Variants in CELF2 observed in about 807,000 individuals in gnomAD.
The protein encoded by CELF2 is CUG triplet repeat RNA-binding protein 2.
Under a neutral mutation model 62.6 loss-of-function variants are expected in CELF2, and 8 were observed. The ratio of observed to expected loss-of-function variants is 0.13; its 90% CI spans 0.07 to 0.23. The LOEUF is 0.23. Among genes scored for constraint, CELF2 ranks in the 10% least tolerant of loss-of-function variants. The pLI, the probability that CELF2 is intolerant of heterozygous loss-of-function variation, is 1.00. For missense variants in CELF2, 333 were observed against 671.0 expected (o/e 0.50, Z 5.56); for synonymous variants, 258 against 250.0 (o/e 1.03, Z -0.30).
intron 1 of CELF2, among the ~76,000 whole-genome samples, chr10:11,079,914 A>G (rs910767519): frequency 1.3e-5 from 2 of 152,220 alleles, no homozygotes; most frequent in African/African-American, 2.4e-5. Flanking sequence ...CTGTACTGCA[A>G]GATGACTTTG....
chr10:10,625,633 A>G, the CELF2 span, among the ~76,000 whole-genome samples: 1 of 151,698 alleles, frequency 6.6e-6, no homozygotes, highest in Non-Finnish European at 1.5e-5. Flanking sequence ...ATCATTTACA[A>G]CTCAGGCTGA....
At chr10:10,864,729 G>T (rs1392785031) in intron 1 of CELF2, among the ~76,000 whole-genome samples, 2 of 152,090 alleles carry the variant, frequency 1.3e-5, no homozygotes, top group East Asian at 3.9e-4. Context: ...AAATATAATT[G>T]TCTTAGGTGT....
chr10:10,517,333 C>T, the CELF2 span, among the ~76,000 whole-genome samples: 1 of 151,998 alleles, frequency 6.6e-6, no homozygotes, highest in Admixed American at 6.6e-5. Context: ...GATCCTGGAG[C>T]CCACACTTTT....
chr10:10,873,349 TA>T (rs2060877152), intron 1 of CELF2, among the ~76,000 whole-genome samples: 1 of 152,182 alleles, frequency 6.6e-6, no homozygotes, highest in Admixed American at 6.5e-5. Flanking sequence ...ATGTTGAACT[TA>T]AAATAAATAA....
chr10:11,114,798 A>T (rs527387303), intron 1 of CELF2, among the ~76,000 whole-genome samples: 1 of 152,320 alleles, frequency 6.6e-6, no homozygotes, highest in African/African-American at 2.4e-5. Context: ...TTCTACACCC[A>T]CTACAGAAGA....
At chr10:10,827,700 G>T (rs1235753620) in intron 1 of CELF2, among the ~76,000 whole-genome samples, 36 of 152,090 alleles carry the variant, frequency 2.4e-4, no homozygotes, top group Non-Finnish European at 1.5e-4. Context: ...CTTCTTAAAA[G>T]TACTTGTGTG....
intron 10 of CELF2, among the ~76,000 whole-genome samples, chr10:11,320,498 T>G (rs1375075339): frequency 6.6e-6 from 1 of 152,214 alleles, no homozygotes; most frequent in Non-Finnish European, 1.5e-5. Context: ...TAGCTTCAGC[T>G]CTCTGCGACT....
the CELF2 span, among the ~76,000 whole-genome samples, chr10:10,569,632 C>A: frequency 4.6e-5 from 7 of 152,100 alleles, no homozygotes; most frequent in Non-Finnish European, 8.8e-5. Context: ...ACAAAAAGCA[C>A]CCTATACATT....
chr10:11,116,665 T>C (rs2056627849), intron 1 of CELF2, among the ~76,000 whole-genome samples: 1 of 152,238 alleles, frequency 6.6e-6, no homozygotes, highest in Admixed American at 6.5e-5. Flanking sequence ...GTCCCTTCAC[T>C]TGTTAAATTC....
rs565946777 is a variant in CELF2, at chr10:11,290,989, A to G, written c.976+2437A>G. On this transcript the variant is annotated intron_variant, in intron 9 of 12. Coordinates refer to ENST00000633077, the MANE Select transcript of CELF2 (RefSeq NM_001326342.2). This position sits in a 1 kb window ranked among gnomAD's most constrained non-coding sequence, Gnocchi z 4.3. ...GAAAGTCACAGAAAATGTGGTTAGT[A>G]GAATTCATGAATCTCCACTTCATCA... 1.5e-3 allele frequency among the ~76,000 whole-genome samples: 224 copies of G among 152,366 alleles called. 1 individual carries two copies. Among genetic ancestry groups the G allele is most frequent in the African/African-American group, 5.3e-3 (220 of 41,580 alleles).
At chr10:10,708,172 G>C in the CELF2 span, among the ~76,000 whole-genome samples, 1 of 152,194 alleles carries the variant, frequency 6.6e-6, no homozygotes, top group Non-Finnish European at 1.5e-5. Context: ...TGTTAAATTA[G>C]TGTTACCCAT....
chr10:11,187,442 C>T (rs1469889296), intron 2 of CELF2, among the ~76,000 whole-genome samples: 1 of 152,144 alleles, frequency 6.6e-6, no homozygotes, highest in African/African-American at 2.4e-5. Flanking sequence ...TTGTACACAG[C>T]AGGTAGTCGG....
chr10:10,713,559 C>A, the CELF2 span, among the ~76,000 whole-genome samples: 440 of 152,320 alleles, frequency 2.9e-3, no homozygotes, highest in Middle Eastern at 0.024. Flanking sequence ...TCACCTACGA[C>A]CCTTCGGTGA....
chr10:10,560,881 T>A, the CELF2 span, among the ~76,000 whole-genome samples: 1 of 152,146 alleles, frequency 6.6e-6, no homozygotes, highest in Non-Finnish European at 1.5e-5. Context: ...CTGGATGAGA[T>A]TGGATACTAT....
chr10:11,123,675 A>T (rs546715591), intron 1 of CELF2, among the ~76,000 whole-genome samples: 1 of 152,346 alleles, frequency 6.6e-6, no homozygotes, highest in African/African-American at 2.4e-5. Flanking sequence ...TGCTCTTTGC[A>T]GAAAAGAGCC....
At chr10:10,704,215 G>A in the CELF2 span, among the ~76,000 whole-genome samples, 1 of 152,180 alleles carries the variant, frequency 6.6e-6, no homozygotes, top group Admixed American at 6.5e-5. Flanking sequence ...ACTGACTGAT[G>A]TACAGGGAAG....
At chr10:10,963,651 A>T (rs1401417242) in intron 2 of CELF2, among the ~76,000 whole-genome samples, 1 of 152,154 alleles carries the variant, frequency 6.6e-6, no homozygotes, top group Non-Finnish European at 1.5e-5. Flanking sequence ...ATCCTGCCAT[A>T]TATTTGATAT....
intron 1 of CELF2, among the ~76,000 whole-genome samples, chr10:11,076,796 G>A (rs548009913): frequency 6.6e-6 from 1 of 152,266 alleles, no homozygotes; most frequent in East Asian, 1.9e-4. Context: ...TAAATCACCT[G>A]GTTTGAGCTC....
chr10:11,181,589 C>T (rs1340121608), intron 2 of CELF2, among the ~76,000 whole-genome samples: 3 of 152,210 alleles, frequency 2.0e-5, no homozygotes, highest in Admixed American at 2.0e-4. Flanking sequence ...CATAATGGCT[C>T]TTCCTCCTGG....
Sources: gnomAD v4.1 joint callset for allele counts (sites outside exome capture counted in the v4.1 genomes callset) on GRCh38, gnomAD v4.1.1 for gene constraint, Gnocchi (gnomAD v3.1) non-coding constraint, MANE v1.5 for transcripts, NCBI Gene and HGNC (gene_info 2026-07-23, HGNC 2026-07-21) for gene names.